MYOM2: variants seen among roughly 807,000 people sequenced by gnomAD.
MYOM2 encodes the protein myomesin 2.
MYOM2 carries 254 observed loss-of-function variants against 187.6 expected under a neutral mutation model. The ratio of observed to expected loss-of-function variants is 1.35; its 90% CI spans 1.22 to 1.50. MYOM2 has a LOEUF of 1.50. MYOM2 is among the 40% of genes most tolerant of loss of function. MYOM2 has a pLI of 0.00. For synonymous variants in MYOM2, 981 were observed against 753.8 expected, an observed-to-expected ratio of 1.30 and a Z score of -4.94; for missense variants, 2,796 against 1,924.0, an observed-to-expected ratio of 1.45 and a Z score of -8.48.
At chr8:2,063,757 C>T (rs1020718737) in intron 6 of MYOM2, among the ~76,000 whole-genome samples, 1 of 152,198 alleles carries the variant, frequency 6.6e-6, no homozygotes, top group African/African-American at 2.4e-5. Context: ...CTTATGGCTG[C>T]CCATCTTTAA....
At chr8:2,080,246 G>C (rs547976455) in intron 13 of MYOM2, among the ~76,000 whole-genome samples, 7 of 152,370 alleles carry the variant, frequency 4.6e-5, no homozygotes, top group African/African-American at 1.7e-4. Flanking sequence ...TTTCAAATCA[G>C]TGTGGAGCCA....
Position 2,138,979 on chromosome 8 carries a change from GA to G in MYOM2, c.3801-1743del, listed in dbSNP as rs1798178524. Among the ~76,000 whole-genome samples, 3 of 142,410 alleles carry G rather than the reference GA, an allele frequency of 2.1e-5. No homozygotes were observed. In the East Asian group the frequency reaches 6.3e-4, roughly 30 times the overall value. The allele number at this position is 142,410 out of a possible 152,430, so 93.4% of individuals were successfully genotyped here. A position where few individuals can be genotyped will look rare whatever the true frequency, so the allele number is the denominator to read the frequency against. On this transcript the variant is annotated intron_variant, in intron 32 of 36. Transcript: ENST00000262113. ...ACACACACTGCCAGCACCACCACCA[GA>G]GACCCGACACACACTGCCAGCACCA...
intron 6 of MYOM2, among the ~76,000 whole-genome samples, chr8:2,065,240 G>T (rs1435934926): frequency 1.3e-5 from 2 of 152,176 alleles, no homozygotes; most frequent in Non-Finnish European, 2.9e-5. Flanking sequence ...GCACCAGTTT[G>T]GAAGGAGAAT....
Position 2,057,047 on chromosome 8 carries a change from C to T in MYOM2, c.264-301C>T, listed in dbSNP as rs1282622892. Among the ~76,000 whole-genome samples the T allele has an allele frequency of 3.9e-5, 6 of 152,184 alleles. No homozygotes were observed. The East Asian group carries it at 5.8e-4, about 15-fold the overall frequency. On this transcript the variant is annotated intron_variant, in intron 3 of 36. Transcript: ENST00000262113. The stretch of plus-strand genomic sequence containing the variant: ...CAAAGCATCTCTTAGGGCCTCCAAG[C>T]GGTTTGCAGTTGTGCACTGTCAGTG...
At position 2,072,590 on chromosome 8, in the gene MYOM2, T is replaced by C. The variant is rs149336861; in HGVS notation, c.958+81T>C. The C allele has an allele frequency of 9.9e-4, 1,467 of 1,487,204 alleles. 13 individuals are homozygous for C. The African/African-American group carries it at 0.018, about 18-fold the overall frequency. 92.1% of individuals were successfully genotyped at this position (1,487,204 alleles called of 1,614,324 possible). On this transcript the variant is annotated intron_variant, in intron 9 of 36. Transcript: ENST00000262113. ...TGTCCTTTAAATGTGGGTGTCAATG[T>C]GGCTTTTGTCTCTACCACTGGGTCA...
In MYOM2 at chr8:2,059,155, A is replaced by T. The variant is rs1482020274; in HGVS notation, c.563A>T (p.Tyr188Phe). 6.2e-7 allele frequency: 1 copy of T among 1,614,038 alleles called. No individual in the cohort carries two copies. The highest frequency in any genetic ancestry group is 1.7e-5 in the Admixed American group (1 of 60,030). Residue 188 changes from tyrosine to phenylalanine, a missense_variant and splice_region_variant, in exon 6 of 37, where the codon TAC (tyrosine) becomes TTC (phenylalanine). Physicochemically the swap from Tyr to Phe is conservative, Grantham distance 22 (BLOSUM62 3). Transcript: ENST00000262113. The part of the protein sequence containing the change: ...QGFPTPVVQW[Y>F]KDGSLICQAA... ...AAAAACATGCCTCCCTCATTTAGGT[A>T]CAAAGATGGCAGTCTGATTTGCCAG...
chr8:2,064,971 C>T (rs3779859), intron 6 of MYOM2, among the ~76,000 whole-genome samples: 30,478 of 152,182 alleles, frequency 0.2, 3,649 homozygotes, highest in Admixed American at 0.26. Flanking sequence ...GAGGGATTTC[C>T]GTAGAGGAGA....
chr8:2,085,088 A>T, intron 13 of MYOM2, 175 bp from the exon 14 acceptor site: 1 of 674,280 alleles, frequency 1.5e-6, no homozygotes, highest in Non-Finnish European at 2.5e-6. Context: ...GCTGATCTTT[A>T]TTGGTGCCTT....
At chr8:2,050,337 C>G (rs956633714) in intron 1 of MYOM2, among the ~76,000 whole-genome samples, 1 of 152,234 alleles carries the variant, frequency 6.6e-6, no homozygotes, top group African/African-American at 2.4e-5. Flanking sequence ...AGGACACCTT[C>G]TACCTGCCCC....
Position 2,073,144 on chromosome 8 carries a change from G to T in MYOM2, c.959-195G>T, listed in dbSNP as rs148464688. On this transcript the variant is annotated intron_variant, in intron 9 of 36. Transcript: ENST00000262113. The stretch of plus-strand genomic sequence containing the variant: ...ACTCAAGTGGCAGCCTGTGTTCTGG[G>T]CTGTGGGTGCTCAGTTCACGCGTGT... Among the ~76,000 whole-genome samples the T allele has an allele frequency of 1.5e-3, 233 of 152,334 alleles. 5 individuals carry two copies. The East Asian group carries it at 0.036, about 24-fold the overall frequency.
intron 6 of MYOM2, among the ~76,000 whole-genome samples, chr8:2,060,808 T>A (rs1173656469): frequency 6.7e-6 from 1 of 148,336 alleles, no homozygotes; most frequent in Non-Finnish European, 1.5e-5. Context: ...ATCCTGACAC[T>A]CGTTAAGGAC....
chr8:2,139,432 C>T (rs1460053090), intron 32 of MYOM2, among the ~76,000 whole-genome samples: 1 of 152,216 alleles, frequency 6.6e-6, no homozygotes, highest in Non-Finnish European at 1.5e-5. Flanking sequence ...TGAGCCACCA[C>T]ACCCGGCCTG....
chr8:2,109,602 A>T (rs1213604419), intron 25 of MYOM2, 71 bp downstream of exon 25: 3 of 1,470,758 alleles, frequency 2.0e-6, no homozygotes, highest in Non-Finnish European at 2.8e-6. Flanking sequence ...CAGTTACTGA[A>T]TATCAACATT....
intron 36 of MYOM2, 89 bp downstream of exon 36, chr8:2,143,545 A>C: frequency 6.6e-7 from 1 of 1,504,150 alleles, no homozygotes; most frequent in Non-Finnish European, 9.2e-7. Context: ...GAGGGAACCC[A>C]GTGAGGGGCT....
rs1472614883 is a variant in MYOM2 at position 2,142,744 on chromosome 8, C to CCCTCCCT, written c.4024+349_4024+350insTCCCTCC. Among the ~76,000 whole-genome samples, 187 of 20,526 alleles carry CCCTCCCT rather than the reference C, an allele frequency of 9.1e-3. 1 individual carries two copies. Among genetic ancestry groups the CCCTCCCT allele is most frequent in the African/African-American group, 0.019 (175 of 9,088 alleles). The allele number at this position is 20,526 out of a possible 152,430, so 13.5% of individuals were successfully genotyped here. On this transcript the variant is annotated intron_variant, in intron 35 of 36. Coordinates refer to ENST00000262113, the MANE Select transcript of MYOM2 (RefSeq NM_003970.4). ...TCCCTCCCTCCCTTCCTCCCTTCCT[C>CCCTCCCT]CCCTCCCTCCCTTTATTCTTTTTTT...
In MYOM2 at chr8:2,110,153, T is replaced by C. The variant is rs1032536985; in HGVS notation, c.3180+622T>C. On this transcript the variant is annotated intron_variant, in intron 25 of 36. Coordinates refer to ENST00000262113, the MANE Select transcript of MYOM2 (RefSeq NM_003970.4). Reference sequence around the variant, plus strand: ...GCCTGGGCAACATAAGGAGATCCCATCTCTACAAAAACTTAAGAAATTAGT... The same window carrying C: ...GCCTGGGCAACATAAGGAGATCCCACCTCTACAAAAACTTAAGAAATTAGT... Among the ~76,000 whole-genome samples, 4 of 152,158 alleles carry C rather than the reference T, an allele frequency of 2.6e-5. No individual in the cohort carries two copies. In the East Asian group the frequency reaches 7.7e-4, roughly 29 times the overall value.
At chr8:2,098,075 C>G (rs546490370) in intron 18 of MYOM2, 6 of 152,238 alleles carry the variant, frequency 3.9e-5, no homozygotes, top group Non-Finnish European at 7.3e-5. Flanking sequence ...TCACTCAGCA[C>G]AACAGTTCTT....
intron 13 of MYOM2, among the ~76,000 whole-genome samples, chr8:2,084,825 A>G (rs2116696851): frequency 6.6e-6 from 1 of 152,322 alleles, no homozygotes; most frequent in South Asian, 2.1e-4. Context: ...CACACGGTAT[A>G]AAGAAAGAAC....
At chr8:2,091,258 A>T (rs1796293916) in intron 15 of MYOM2, among the ~76,000 whole-genome samples, 1 of 152,078 alleles carries the variant, frequency 6.6e-6, no homozygotes, top group African/African-American at 2.4e-5. Flanking sequence ...TGCCCAGGCC[A>T]GTCTCGAACT....
Sources: allele counts gnomAD v4.1 joint callset (sites outside exome capture counted in the v4.1 genomes callset), GRCh38; gene constraint gnomAD v4.1.1; transcripts MANE v1.5; gene names NCBI Gene and HGNC (gene_info 2026-07-23, HGNC 2026-07-21).